Variants in SEMA4B observed in about 807,000 individuals in gnomAD.
SEMA4B encodes the protein semaphorin 4B.
SEMA4B carries 55 observed loss-of-function variants against 88.1 expected under a neutral mutation model. The observed-to-expected ratio is 0.62, with a 90% confidence interval of 0.50 to 0.78. The LOEUF is 0.78. Ranked by LOEUF, SEMA4B falls within the 30% of genes least tolerant of loss-of-function variation. The pLI is 0.00. For synonymous variants in SEMA4B, 525 were observed against 473.6 expected (o/e 1.11, Z -1.41); for missense variants, 1,062 against 1,111.9 (o/e 0.96, Z 0.64).
At chr15:90,188,342 A>G (rs1224917561) in intron 1 of SEMA4B, among the ~76,000 whole-genome samples, 1 of 149,152 alleles carries the variant, frequency 6.7e-6, no homozygotes, top group Non-Finnish European at 1.5e-5. Flanking sequence ...AATAAAATAA[A>G]AGTAGCCAGG....
intron 1 of SEMA4B, chr15:90,215,042 T>G: frequency 8.1e-7 from 1 of 1,241,556 alleles, no homozygotes; most frequent in South Asian, 1.4e-5. Flanking sequence ...TTCGTGAGAC[T>G]GTTTGTGTGG....
chr15:90,211,762 G>C (rs1340904007), intron 1 of SEMA4B, among the ~76,000 whole-genome samples: 1 of 152,176 alleles, frequency 6.6e-6, no homozygotes, highest in Non-Finnish European at 1.5e-5. Context: ...GTCCCGCCCA[G>C]ACCCCTCTCT....
chr15:90,192,237 C>G (rs1960365825), intron 1 of SEMA4B, among the ~76,000 whole-genome samples: 1 of 152,206 alleles, frequency 6.6e-6, no homozygotes, highest in Admixed American at 6.5e-5. Context: ...GCAGGAGGCC[C>G]CTCCCCCACA....
rs1471343178 is a variant in SEMA4B at position 90,223,614 on chromosome 15, C to T, written c.917C>T (p.Ala306Val). The change falls in exon 8 of 14, where the codon GCC becomes GTC. Residue 306 changes from alanine to valine, a missense_variant. By Grantham distance (64) the Ala-to-Val change is moderately conservative. Transcript: ENST00000411539. ...CAGCGCTGGACCTCCTTCCTCAAGG[C>T]CCAGCTGCTGTGCTCACGGCCCGAC... ...LQQRWTSFLK[A>V]QLLCSRPDDG... 8 of 1,613,100 alleles carry T rather than the reference C, an allele frequency of 5.0e-6. No homozygotes were observed. The highest frequency in any genetic ancestry group is 6.8e-6 in the Non-Finnish European group (8 of 1,179,576).
rs751091769 is a variant in SEMA4B, at chr15:90,221,815, C to T, written c.861+50C>T. Reference sequence around the variant, plus strand: ...GGCCACCCCAGGGACCTCAAAGCCTCCACAGCTGCAAGATCACCCACATCC... The same window carrying T: ...GGCCACCCCAGGGACCTCAAAGCCTTCACAGCTGCAAGATCACCCACATCC... On this transcript the variant is annotated intron_variant, in intron 7 of 13. Coordinates refer to ENST00000411539, the MANE Select transcript of SEMA4B (RefSeq NM_198925.4). The T allele has an allele frequency of 8.8e-6, 14 of 1,583,094 alleles. No individual in the cohort carries two copies. In the African/African-American group the frequency reaches 1.3e-4, roughly 15 times the overall value.
At chr15:90,216,411 G>A (rs920224694) in intron 1 of SEMA4B, among the ~76,000 whole-genome samples, 8 of 151,482 alleles carry the variant, frequency 5.3e-5, no homozygotes, top group Non-Finnish European at 1.2e-4. Context: ...TCCTTTATTG[G>A]TTACCTTTGC....
chr15:90,201,558 A>G lies in SEMA4B; in HGVS notation c.-21A>G. On this transcript the variant is annotated 5_prime_UTR_variant, in exon 1 of 14. Coordinates refer to ENST00000411539, the MANE Select transcript of SEMA4B (RefSeq NM_198925.4). The stretch of plus-strand genomic sequence containing the variant: ...GCCACCTGAGCCCGAGCCGCGGGAC[A>G]CCGTCGCTCCTGCTCTCCGAATGCT... The G allele has an allele frequency of 6.9e-7, 1 of 1,449,298 alleles. No homozygotes were observed. The highest frequency in any genetic ancestry group is 9.0e-7 in the Non-Finnish European group (1 of 1,105,458). 89.8% of individuals were successfully genotyped at this position (1,449,298 alleles called of 1,614,324 possible).
At chr15:90,199,544 G>A (rs1030282093), upstream of SEMA4B, among the ~76,000 whole-genome samples, 6 of 152,006 alleles carry the variant, frequency 3.9e-5, no homozygotes, top group African/African-American at 1.4e-4. Context: ...TATTGAGGCC[G>A]GGTCAGGTGT....
intron 1 of SEMA4B, among the ~76,000 whole-genome samples, chr15:90,194,430 G>A (rs1382913352): frequency 6.6e-6 from 1 of 152,080 alleles, no homozygotes; most frequent in East Asian, 1.9e-4. Flanking sequence ...TACTCGGGAG[G>A]CTGAGGCAGG....
chr15:90,220,857 C>T (rs1009375475), intron 4 of SEMA4B, 125 bp from the exon 5 acceptor site: 1 of 659,556 alleles, frequency 1.5e-6, no homozygotes, highest in African/African-American at 1.8e-5. Context: ...ACACCTGACC[C>T]CTTCTGTCCC....
intron 5 of SEMA4B, 102 bp from the exon 6 acceptor site, chr15:90,221,265 C>A: frequency 8.3e-7 from 1 of 1,205,928 alleles, no homozygotes; most frequent in Non-Finnish European, 1.2e-6. Context: ...CTTCTCTGCC[C>A]ACCACAGGCA....
chr15:90,226,560 C>T lies in SEMA4B; in HGVS notation c.1688+733C>T, dbSNP rs570847088. The stretch of plus-strand genomic sequence containing the variant: ...TTCACCATGTTGGCCAGGCTGGTCT[C>T]GAACTTCTGACCTCAGATGATCCAC... On this transcript the variant is annotated intron_variant, in intron 12 of 13. Transcript: ENST00000411539. Among the ~76,000 whole-genome samples the T allele has an allele frequency of 2.6e-5, 4 of 152,260 alleles. 1 individual carries two copies. In the East Asian group the frequency reaches 7.7e-4, roughly 29 times the overall value.
rs1303949138 is a variant in SEMA4B, at chr15:90,223,979, G to T, written c.1185G>T (p.Arg395=). ...TGACCCACCCGGTGCCCACACCCCG[G>T]CCTGGAGCGGTGGGTACTGGCTCCC... The part of the protein sequence containing the change: ...YTVTHPVPTP[R]PGACITNSAR... The change falls in exon 9 of 14, where the codon CGG becomes CGT. Residue 395 remains arginine, a synonymous_variant. Transcript: ENST00000411539. 1.2e-6 allele frequency: 2 copies of T among 1,612,654 alleles called. No individual in the cohort carries two copies. Among genetic ancestry groups the T allele is most frequent in the Middle Eastern group, 1.7e-4 (1 of 6,060 alleles).
chr15:90,215,226 T>TTG (rs1176716493), intron 1 of SEMA4B, among the ~76,000 whole-genome samples: 14 of 151,596 alleles, frequency 9.2e-5, no homozygotes, highest in Admixed American at 2.6e-4. Context: ...GTGTTTCTTT[T>TTG]TTTTTTTCTT....
intron 1 of SEMA4B, among the ~76,000 whole-genome samples, chr15:90,190,909 G>A (rs1960324855): frequency 6.6e-6 from 1 of 152,166 alleles, no homozygotes; most frequent in Non-Finnish European, 1.5e-5. Flanking sequence ...CCAAGTAGCT[G>A]GGACCACAGG....
intron 1 of SEMA4B, among the ~76,000 whole-genome samples, chr15:90,214,427 C>G (rs1961430647): frequency 6.6e-6 from 1 of 151,422 alleles, no homozygotes; most frequent in Admixed American, 6.6e-5. Flanking sequence ...CACATGAGGT[C>G]AGGAGTTCAA....
rs563886856 is a variant in SEMA4B at position 90,225,655 on chromosome 15, G to A, written c.1522-6G>A. 2 of 1,561,614 alleles carry A rather than the reference G, an allele frequency of 1.3e-6. No individual in the cohort carries two copies. The highest frequency in any genetic ancestry group is 1.2e-5 in the South Asian group (1 of 84,888). ...CCGCTTCTCATCCCCGTGTCTGGCT[G>A]TGCAGGGGCTGCTGTATGCGGCCTC... On this transcript the variant is annotated splice_region_variant and splice_polypyrimidine_tract_variant and intron_variant, in intron 11 of 13. Transcript: ENST00000411539.
chr15:90,194,489 G>GCACT lies in SEMA4B; in HGVS notation c.-121-6968_-121-6967insACTC, dbSNP rs1186489855. Among the ~76,000 whole-genome samples the GCACT allele has an allele frequency of 9.9e-5, 15 of 152,112 alleles. No individual in the cohort carries two copies. In the East Asian group the frequency reaches 2.7e-3, roughly 27 times the overall value. ...AGAGGTTGCAGTGAGCTGATATCATGCCATTGCACTCCAGCCTGGGCAACA... is the reference window on the plus strand; with the variant it reads ...AGAGGTTGCAGTGAGCTGATATCATGCACTCCATTGCACTCCAGCCTGGGCAACA... On this transcript the variant is annotated intron_variant, in intron 1 of 14. Transcript: ENST00000332496.
At chr15:90,214,346 A>T (rs1183751378) in intron 1 of SEMA4B, among the ~76,000 whole-genome samples, 1 of 120,702 alleles carries the variant, frequency 8.3e-6, no homozygotes, top group Non-Finnish European at 1.7e-5. Context: ...AAAAAAAAAA[A>T]GGGCTGAGCT....
Sources: allele counts gnomAD v4.1 joint callset (sites outside exome capture counted in the v4.1 genomes callset), GRCh38; gene constraint gnomAD v4.1.1; transcripts MANE v1.5; gene names NCBI Gene and HGNC (gene_info 2026-07-23, HGNC 2026-07-21).